The following HACE1 variants were observed in gnomAD, a reference collection of about 807,000 sequenced individuals.
HACE1 encodes the protein E3 ubiquitin-protein ligase HACE1.
A neutral mutation model predicts 118.4 loss-of-function variants in HACE1; 73 were observed. That is an observed-to-expected ratio of 0.62 (90% CI 0.51 to 0.75). HACE1 has a LOEUF of 0.75. Ranked by LOEUF, HACE1 falls within the 30% of genes least tolerant of loss-of-function variation. The probability of loss-of-function intolerance (pLI) is 0.00; values close to 1 mark genes in which losing one functional copy is unlikely to be tolerated. For synonymous variants in HACE1, 368 were observed against 374.8 expected, an observed-to-expected ratio of 0.98 and a Z score of 0.21; for missense variants, 749 against 1,102.2, an observed-to-expected ratio of 0.68 and a Z score of 4.54.
intron 1 of HACE1, among the ~76,000 whole-genome samples, chr6:104,855,057 T>C (rs188338379): frequency 4.0e-4 from 61 of 152,338 alleles, no homozygotes; most frequent in Non-Finnish European, 1.6e-4. Flanking sequence ...TAGGTACTAT[T>C]ATCCTCATTT....
At chr6:104,849,629 C>T (rs989401836) in intron 3 of HACE1, among the ~76,000 whole-genome samples, 1 of 151,102 alleles carries the variant, frequency 6.6e-6, no homozygotes, top group Non-Finnish European at 1.5e-5. Context: ...AGGTGTGAGC[C>T]GCCATGCCTG....
chr6:104,800,063 T>A (rs1213709180), intron 7 of HACE1, among the ~76,000 whole-genome samples: 2 of 151,920 alleles, frequency 1.3e-5, no homozygotes, highest in Non-Finnish European at 2.9e-5. Context: ...TTCCATCCCG[T>A]GCCTGGCTCA....
intron 7 of HACE1, among the ~76,000 whole-genome samples, chr6:104,807,110 G>A (rs1375585884): frequency 3.4e-5 from 5 of 146,214 alleles, no homozygotes; most frequent in South Asian, 2.2e-4. Flanking sequence ...TGCAACCTCC[G>A]CCTTTCAGAT....
At chr6:104,837,323 A>C (rs893211961) in intron 5 of HACE1, among the ~76,000 whole-genome samples, 65 of 152,346 alleles carry the variant, frequency 4.3e-4, no homozygotes, top group African/African-American at 1.4e-3. Context: ...TATAAAGTCC[A>C]CAAGTGGGTC....
rs569576434 is a variant in HACE1, at chr6:104,856,487, T to C, written c.76+3080A>G. 4.1e-4 allele frequency among the ~76,000 whole-genome samples: 62 copies of C among 152,104 alleles called. No homozygotes were observed. The South Asian group carries it at 7.9e-3, about 19-fold the overall frequency. On this transcript the variant is annotated intron_variant, in intron 1 of 23. Transcript: ENST00000262903. ...TTCGCTCTTGATGTCCAGGCTGGAA[T>C]GCAGTGGCGCGATCTTGGCTCACTG...
At chr6:104,816,449 G>A (rs920322612) in intron 6 of HACE1, among the ~76,000 whole-genome samples, 2 of 152,230 alleles carry the variant, frequency 1.3e-5, no homozygotes, top group South Asian at 4.1e-4. Context: ...TGCTTTAGAG[G>A]GTGCAAGCCC....
At chr6:104,855,039 C>G (rs1008615793) in intron 1 of HACE1, among the ~76,000 whole-genome samples, 3 of 152,168 alleles carry the variant, frequency 2.0e-5, no homozygotes, top group Non-Finnish European at 4.4e-5. Context: ...CACAACCACC[C>G]TATGAAGTAG....
At chr6:104,780,056 C>G (rs1363629899) in intron 14 of HACE1, among the ~76,000 whole-genome samples, 1 of 151,940 alleles carries the variant, frequency 6.6e-6, no homozygotes, top group Non-Finnish European at 1.5e-5. Context: ...TACTCAATAC[C>G]TAGAATGCTC....
At chr6:104,810,469 GA>G (rs1013751295) in intron 7 of HACE1, among the ~76,000 whole-genome samples, 42 of 152,128 alleles carry the variant, frequency 2.8e-4, no homozygotes, top group African/African-American at 9.6e-4. Context: ...ATCGGAATAT[GA>G]AGGCCTAAAT....
intron 19 of HACE1, among the ~76,000 whole-genome samples, chr6:104,751,950 C>A (rs865865263): frequency 3.7e-4 from 40 of 109,314 alleles, no homozygotes; most frequent in East Asian, 1.1e-3. Context: ...ACAAAAAAAA[C>A]CAAACAAAAA....
rs749149699 is a variant in HACE1, at chr6:104,729,693, T to C, written c.2699A>G (p.His900Arg). ...ILKDRLLVAL[H>R]CGSYGYTMA is the part of the protein sequence containing the mutation. ...CATTGTGTAACCATAGCTGCCACAA[T>C]GTAGTGCCACAAGAAGTCTGTCCTT... The change falls in exon 24 of 24, where the codon CAT becomes CGT. Residue 900 changes from histidine to arginine, a missense_variant. His to Arg is a conservative substitution (Grantham distance 29). Transcript: ENST00000262903. 17 of 1,566,712 alleles carry C rather than the reference T, an allele frequency of 1.1e-5. No homozygotes were observed. Among genetic ancestry groups the C allele is most frequent in the Non-Finnish European group, 1.5e-5 (17 of 1,136,940 alleles).
chr6:104,739,085 G>A (rs1487075608), intron 22 of HACE1, among the ~76,000 whole-genome samples: 1 of 151,560 alleles, frequency 6.6e-6, no homozygotes, highest in African/African-American at 2.4e-5. Flanking sequence ...ATAAGCGAAG[G>A]AGAAATAAAA....
intron 22 of HACE1, among the ~76,000 whole-genome samples, chr6:104,737,340 T>C (rs1294511321): frequency 2.0e-5 from 2 of 97,652 alleles, no homozygotes; most frequent in South Asian, 3.2e-4. Flanking sequence ...GATGGCCAAA[T>C]AGGAACAGCT....
intron 7 of HACE1, among the ~76,000 whole-genome samples, chr6:104,801,609 C>A (rs1770362601): frequency 6.6e-6 from 1 of 152,114 alleles, no homozygotes; most frequent in Non-Finnish European, 1.5e-5. Context: ...TCATATCCAG[C>A]CAAACTAAGC....
chr6:104,763,626 T>C (rs778374265), intron 19 of HACE1, among the ~76,000 whole-genome samples: 13 of 149,858 alleles, frequency 8.7e-5, no homozygotes, highest in Middle Eastern at 3.6e-3. Flanking sequence ...ATTAATACAG[T>C]GAAAAAAATC....
intron 5 of HACE1, among the ~76,000 whole-genome samples, chr6:104,837,324 C>T (rs965438938): frequency 6.6e-6 from 1 of 152,148 alleles, no homozygotes; most frequent in Non-Finnish European, 1.5e-5. Context: ...ATAAAGTCCA[C>T]AAGTGGGTCC....
chr6:104,849,681 G>A (rs925406830), intron 3 of HACE1, among the ~76,000 whole-genome samples: 1 of 132,862 alleles, frequency 7.5e-6, no homozygotes, highest in African/African-American at 2.9e-5. Context: ...ACAGAGTCTC[G>A]CATGTCACCC....
rs1044665792 is a variant in HACE1, at chr6:104,729,114, C to T, written c.*548G>A. The T allele has an allele frequency of 1.3e-5, 2 of 152,408 alleles. No homozygotes were observed. Among genetic ancestry groups the T allele is most frequent in the Non-Finnish European group, 2.9e-5 (2 of 68,104 alleles). The allele number at this position is 152,408 out of a possible 1,614,324, so 9.4% of individuals were successfully genotyped here. A position where few individuals can be genotyped will look rare whatever the true frequency, so the allele number is the denominator to read the frequency against. Reference sequence around the variant, plus strand: ...GTTAGTATCATCAGTCTAAATTTTACAATATATATTAAAATATTAAAATGC... The same window carrying T: ...GTTAGTATCATCAGTCTAAATTTTATAATATATATTAAAATATTAAAATGC... On this transcript the variant is annotated 3_prime_UTR_variant, in exon 24 of 24. Coordinates refer to ENST00000262903, the MANE Select transcript of HACE1 (RefSeq NM_020771.4).
intron 22 of HACE1, among the ~76,000 whole-genome samples, chr6:104,737,987 G>A (rs1412604374): frequency 3.3e-5 from 5 of 152,174 alleles, no homozygotes; most frequent in Admixed American, 1.3e-4. Context: ...ATCTGAGAAC[G>A]GGCAGACTGC....
Sources: gnomAD v4.1 joint callset for allele counts (sites outside exome capture counted in the v4.1 genomes callset) on GRCh38, gnomAD v4.1.1 for gene constraint, MANE v1.5 for transcripts, NCBI Gene and HGNC (gene_info 2026-07-23, HGNC 2026-07-21) for gene names.